ABCA8: variants seen among roughly 807,000 people sequenced by gnomAD.
ABCA8 encodes ABC-type organic anion transporter ABCA8.
A neutral mutation model predicts 192.3 loss-of-function variants in ABCA8; 177 were observed. The ratio of observed to expected loss-of-function variants is 0.92; its 90% confidence interval spans 0.81 to 1.04. The LOEUF is 1.04. Ranked by LOEUF, ABCA8 falls within the 50% of genes least tolerant of loss-of-function variation. The pLI is 0.00. For synonymous variants in ABCA8, 642 were observed against 690.2 expected (o/e 0.93, Z 1.09); for missense variants, 1,915 against 1,904.8 (o/e 1.01, Z -0.10).
chr17:68,885,873 G>A (rs142163215), intron 26 of ABCA8, among the ~76,000 whole-genome samples: 335 of 151,860 alleles, frequency 2.2e-3, no homozygotes, highest in African/African-American at 7.1e-3. Context: ...TTTAATTACA[G>A]TAAATAAACT....
At position 68,922,235 on chromosome 17, in the gene ABCA8, T is replaced by TAAA; in HGVS notation, c.1501+6_1501+7insTTT. ...TTTTTTTTTTTTTTTTTTTTTTTTT[T>TAAA]TTTTACCTTTCAAGGCTTCTATTTT... On this transcript the variant is annotated splice_region_variant and intron_variant, in intron 12 of 39. Coordinates refer to ENST00000586539, the MANE Select transcript of ABCA8 (RefSeq NM_001288985.2). 7.8e-6 allele frequency: 4 copies of TAAA among 514,700 alleles called. No individual in the cohort carries two copies. The highest frequency in any genetic ancestry group is 4.3e-5 in the South Asian group (1 of 23,398). 31.9% of individuals were successfully genotyped at this position (514,700 alleles called of 1,614,324 possible). A position where few individuals can be genotyped will look rare whatever the true frequency, so the allele number is the denominator to read the frequency against.
intron 21 of ABCA8, among the ~76,000 whole-genome samples, chr17:68,896,082 C>T (rs1019109150): frequency 9.9e-5 from 15 of 152,026 alleles, no homozygotes; most frequent in Admixed American, 5.9e-4. Flanking sequence ...TCAGGAACAG[C>T]GGCAAGCCAT....
chr17:68,944,318 ATATATAT>A (rs2068322124), intron 2 of ABCA8, among the ~76,000 whole-genome samples: 852 of 55,062 alleles, frequency 0.015, 69 homozygotes, highest in Admixed American at 0.079. Flanking sequence ...ACTTAAAGTT[ATATATAT>A]ATATATATAT....
intron 35 of ABCA8, chr17:68,876,244 C>A (rs1020584626): frequency 3.7e-5 from 23 of 620,970 alleles, no homozygotes; most frequent in Middle Eastern, 4.4e-4. Flanking sequence ...CCTATGGGCC[C>A]TAACAATGGT....
At chr17:68,917,693 T>C (rs2067410940) in intron 16 of ABCA8, among the ~76,000 whole-genome samples, 1 of 152,206 alleles carries the variant, frequency 6.6e-6, no homozygotes, top group South Asian at 2.1e-4. Flanking sequence ...TAGAAAATTA[T>C]CCCATTATAT....
At chr17:68,921,574 G>C in intron 12 of ABCA8, 82 bp from the exon 13 acceptor site, 1 of 774,184 alleles carries the variant, frequency 1.3e-6, no homozygotes, top group Non-Finnish European at 2.1e-6. Context: ...TTCCATTATG[G>C]AGCCAATGAA....
At chr17:68,953,555 A>G (rs995454780) in intron 1 of ABCA8, among the ~76,000 whole-genome samples, 11 of 152,298 alleles carry the variant, frequency 7.2e-5, no homozygotes, top group African/African-American at 2.4e-4. Flanking sequence ...TGGCCATGCA[A>G]TGAGGCTGAG....
intron 17 of ABCA8, among the ~76,000 whole-genome samples, chr17:68,914,315 A>G (rs1191008645): frequency 1.3e-5 from 2 of 152,138 alleles, no homozygotes; most frequent in African/African-American, 2.4e-5. Flanking sequence ...TAAGAGGCAG[A>G]AAAAAATGGC....
At chr17:68,873,806 A>G (rs924400015) in intron 37 of ABCA8, among the ~76,000 whole-genome samples, 1 of 152,170 alleles carries the variant, frequency 6.6e-6, no homozygotes, top group African/African-American at 2.4e-5. Flanking sequence ...TGAAGAGACT[A>G]TCCCTTCCCC....
chr17:68,902,116 A>C (rs12952511), intron 21 of ABCA8, among the ~76,000 whole-genome samples: 62,827 of 152,108 alleles, frequency 0.41, 13,699 homozygotes, highest in East Asian at 0.58. Flanking sequence ...AATAAAAATG[A>C]AGTATTGATA....
At chr17:68,891,271 CTTG>C (rs1440201784) in intron 24 of ABCA8, among the ~76,000 whole-genome samples, 1 of 151,978 alleles carries the variant, frequency 6.6e-6, no homozygotes, top group Non-Finnish European at 1.5e-5. Context: ...TCTATTCTAG[CTTG>C]TTGGAATATC....
Position 68,903,363 on chromosome 17 carries a change from G to A in ABCA8, c.2535C>T (p.Ile845=). ...ACAAGCGAACCCTTGCAATTGCGCAGATTTGCTGTCGCCAGAGAGCCACAC... is the reference window on the plus strand; with the variant it reads ...ACAAGCGAACCCTTGCAATTGCGCAAATTTGCTGTCGCCAGAGAGCCACAC... ...IGGVALWRQQ[I]CAIARVRLLK... is the part of the protein sequence containing the mutation. Residue 845 remains isoleucine, a synonymous_variant, in exon 20 of 40, where the codon ATC becomes ATT. Coordinates refer to ENST00000586539, the MANE Select transcript of ABCA8 (RefSeq NM_001288985.2). 1.2e-6 allele frequency: 2 copies of A among 1,614,168 alleles called. No homozygotes were observed. Among genetic ancestry groups the A allele is most frequent in the East Asian group, 2.2e-5 (1 of 44,872 alleles).
intron 2 of ABCA8, among the ~76,000 whole-genome samples, chr17:68,948,823 A>G (rs1470231927): frequency 6.6e-6 from 1 of 152,148 alleles, no homozygotes; most frequent in Non-Finnish European, 1.5e-5. Flanking sequence ...GCCCATGCCT[A>G]TGTCCTGAAT....
intron 3 of ABCA8, 68 bp downstream of exon 3, chr17:68,941,871 T>C (rs2068238781): frequency 8.9e-7 from 1 of 1,123,778 alleles, no homozygotes; most frequent in Non-Finnish European, 1.3e-6. Context: ...ACACATGGCA[T>C]AGATAACTCC....
rs200681587 is a variant in ABCA8 at position 68,881,971 on chromosome 17, T to C, written c.3838A>G (p.Ile1280Val). The C allele has an allele frequency of 3.8e-5, 62 of 1,613,300 alleles. No homozygotes were observed. In the Admixed American group the frequency reaches 4.7e-4, roughly 12 times the overall value. ...TCCTTGCGTAGACAGCTGGCAATGA[T>C]GACTGGCTTCTGTAAATGACAAGAA... ...NSTNFDEKPV[I>V]IASCLRKEYA... The change falls in exon 31 of 40, where the codon ATC (isoleucine) becomes GTC (valine). Residue 1280 changes from isoleucine to valine, a missense_variant. Transcript: ENST00000586539.
intron 17 of ABCA8, among the ~76,000 whole-genome samples, chr17:68,909,214 GAGGTTGTA>G (rs1352275380): frequency 6.6e-6 from 1 of 152,190 alleles, no homozygotes; most frequent in Non-Finnish European, 1.5e-5. Context: ...CTTGAAAGGG[GAGGTTGTA>G]AAACTTTTTC....
Position 68,876,647 on chromosome 17 carries a change from G to A in ABCA8, c.4256C>T (p.Ser1419Leu), listed in dbSNP as rs760239390. The change falls in exon 34 of 40, where the codon TCA becomes TTA. Residue 1419 changes from serine (S) to leucine (L), a missense_variant. By Grantham distance (145) the Ser-to-Leu change is moderately radical (BLOSUM62 -2). Transcript: ENST00000586539. ...CCGTACCTTTCTCTTTATTCCCTCT[G>A]ACAAGGTCTTCACGGGAGACTTCAG... ...DQLKSPVKTLSEGIKRKLCFV... is the reference protein window; with the variant it reads ...DQLKSPVKTLLEGIKRKLCFV... The A allele has an allele frequency of 3.0e-5, 48 of 1,614,014 alleles. 1 individual carries two copies. In the South Asian group the frequency reaches 5.2e-4, roughly 17 times the overall value.
At chr17:68,916,597 TAC>T (rs1290999165) in intron 17 of ABCA8, among the ~76,000 whole-genome samples, 2 of 152,150 alleles carry the variant, frequency 1.3e-5, no homozygotes, top group Non-Finnish European at 2.9e-5. Context: ...CTCAGTAAAT[TAC>T]AGTTAGAATA....
Position 68,887,370 on chromosome 17 carries a change from T to G in ABCA8, c.3281A>C (p.Glu1094Ala), listed in dbSNP as rs1306536676. 2 of 1,611,218 alleles carry G rather than the reference T, an allele frequency of 1.2e-6. No homozygotes were observed. Among genetic ancestry groups the G allele is most frequent in the East Asian group, 4.5e-5 (2 of 44,854 alleles). The change falls in exon 25 of 40, where the codon GAA becomes GCA. Residue 1094 changes from glutamate (E) to alanine (A), a missense_variant. Transcript: ENST00000586539. Reference sequence around the variant, plus strand: ...ATGAATTATTGTAAGTAGCATGTCTTCGAAGTTTGAAATGTAGCTCATTAA... The same window carrying G: ...ATGAATTATTGTAAGTAGCATGTCTGCGAAGTTTGAAATGTAGCTCATTAA... ...IYLMSYISNF[E>A]DMLLTIIHII...
Sources: gnomAD v4.1 joint callset for allele counts (sites outside exome capture counted in the v4.1 genomes callset) on GRCh38, gnomAD v4.1.1 for gene constraint, MANE v1.5 for transcripts, NCBI Gene and HGNC (gene_info 2026-07-23, HGNC 2026-07-21) for gene names.